Variants in CAPRIN2 observed in about 807,000 individuals in gnomAD.
CAPRIN2 encodes caprin family member 2, also known as caprin-2.
A neutral mutation model predicts 130.4 loss-of-function variants in CAPRIN2; 66 were observed. The ratio of observed to expected loss-of-function variants is 0.51; its 90% CI spans 0.42 to 0.62. The LOEUF is 0.62. CAPRIN2 is among the 20% of genes least tolerant of loss of function. The pLI is 0.00. For synonymous variants in CAPRIN2, 471 were observed against 444.1 expected (o/e 1.06, Z -0.76); for missense variants, 1,185 against 1,246.6 (o/e 0.95, Z 0.74).
exon 8 of CAPRIN2, chr12:30,729,229 G>C: frequency 1.2e-6 from 2 of 1,613,106 alleles, no homozygotes; most frequent in Non-Finnish European, 1.7e-6. Context: ...CAACGTTTTG[G>C]GAGATTTGGT....
At chr12:30,720,641 T>G (rs1479299567) in intron 12 of CAPRIN2, 170 bp downstream of exon 13, 3 of 533,384 alleles carry the variant, frequency 5.6e-6, no homozygotes, top group Non-Finnish European at 3.4e-6. Flanking sequence ...ATGGCAAAGC[T>G]ACAATAAAGT....
chr12:30,709,764 A>AGTAAGGACCTCCT, exon 17 of CAPRIN2: 1 of 962,452 alleles, frequency 1.0e-6, no homozygotes, highest in Non-Finnish European at 1.5e-6. Context: ...CAGGAAGGAA[A>AGTAAGGACCTCCT]ACAAAAAAGT....
chr12:30,746,294 G>A (rs140978944), intron 2 of CAPRIN2, among the ~76,000 whole-genome samples: 1 of 152,294 alleles, frequency 6.6e-6, no homozygotes, highest in East Asian at 1.9e-4. Flanking sequence ...CTACTCAGGA[G>A]GCTAAGAGGA....
chr12:30,753,868 G>A (rs1180972646), exon 1 of CAPRIN2: 3 of 1,168,404 alleles, frequency 2.6e-6, no homozygotes, highest in East Asian at 2.4e-5. Context: ...TTTCCACATA[G>A]GGAGGAAGAA....
chr12:30,735,877 A>G (rs746367545), intron 3 of CAPRIN2, among the ~76,000 whole-genome samples: 7 of 152,148 alleles, frequency 4.6e-5, no homozygotes, highest in Non-Finnish European at 7.3e-5. Context: ...ACAATGATAC[A>G]CACCTGTAAT....
chr12:30,729,035 G>T, exon 8 of CAPRIN2: 1 of 1,614,108 alleles, frequency 6.2e-7, no homozygotes. Context: ...GAGATGGCTT[G>T]GATTTGGAGA....
chr12:30,747,587 G>C (rs1489834728), intron 2 of CAPRIN2, among the ~76,000 whole-genome samples: 2 of 151,868 alleles, frequency 1.3e-5, no homozygotes, highest in Non-Finnish European at 2.9e-5. Context: ...TGAGGCAGGA[G>C]AATCGCTTGA....
chr12:30,711,741 G>A (rs2054759185), intron 15 of CAPRIN2, 112 bp from the exon 18 acceptor site: 2 of 853,092 alleles, frequency 2.3e-6, no homozygotes, highest in African/African-American at 3.3e-5. Context: ...TTCTTTACCT[G>A]GCCTTCCCCA....
chr12:30,712,576 A>C (rs10843817), intron 15 of CAPRIN2, among the ~76,000 whole-genome samples: 32,550 of 152,044 alleles, frequency 0.21, 3,644 homozygotes, highest in East Asian at 0.3. Flanking sequence ...AATTCTCAGA[A>C]TATCTCATGG....
chr12:30,728,754 A>C lies in CAPRIN2; in HGVS notation c.1676T>G (p.Leu559Ter). ...TGGAGAAATCTGTGACTGTGATGTT[A>C]AAGAGTGTTTTTGACTCTCAACATT... is the stretch of plus-strand genomic sequence containing the variant. The change falls in exon 8 of 17, where the codon TTA becomes TGA. Residue 559 changes from leucine to a stop codon, truncating the protein, a stop_gained. Transcript: ENST00000298892. LOFTEE classifies it high-confidence loss of function. 1 of 1,614,130 alleles carries C rather than the reference A, an allele frequency of 6.2e-7. No individual in the cohort carries two copies. The highest frequency in any genetic ancestry group is 1.1e-5 in the South Asian group (1 of 91,086).
intron 2 of CAPRIN2, among the ~76,000 whole-genome samples, chr12:30,748,592 T>TG (rs2071945630): frequency 6.6e-6 from 1 of 152,262 alleles, no homozygotes; most frequent in African/African-American, 2.4e-5. Flanking sequence ...CACTTTATCA[T>TG]GGTGGTCTGA....
At chr12:30,736,433 T>C (rs2064847613) in intron 3 of CAPRIN2, among the ~76,000 whole-genome samples, 1 of 149,510 alleles carries the variant, frequency 6.7e-6, no homozygotes, top group South Asian at 2.1e-4. Flanking sequence ...TTCCTATAGA[T>C]GGGTCAAAGT....
At chr12:30,743,550 C>T (rs2068506467) in intron 2 of CAPRIN2, among the ~76,000 whole-genome samples, 1 of 152,162 alleles carries the variant, frequency 6.6e-6, no homozygotes, top group African/African-American at 2.4e-5. Flanking sequence ...CTTGTTTTTA[C>T]TAACACTGAA....
At chr12:30,712,064 T>C (rs1041299055) in intron 15 of CAPRIN2, among the ~76,000 whole-genome samples, 1 of 152,144 alleles carries the variant, frequency 6.6e-6, no homozygotes, top group African/African-American at 2.4e-5. Flanking sequence ...TGTTGGGGTT[T>C]GGGAATTTTT....
chr12:30,728,711 A>G, exon 8 of CAPRIN2: 1 of 1,614,126 alleles, frequency 6.2e-7, no homozygotes, highest in East Asian at 2.2e-5. Flanking sequence ...GGCTTGCTGT[A>G]GCTACTCCCC....
At chr12:30,749,215 T>C (rs2072399264) in intron 2 of CAPRIN2, among the ~76,000 whole-genome samples, 1 of 151,998 alleles carries the variant, frequency 6.6e-6, no homozygotes, top group Non-Finnish European at 1.5e-5. Context: ...CTAGGGTAGC[T>C]AGAATGGAGC....
intron 15 of CAPRIN2, among the ~76,000 whole-genome samples, chr12:30,713,250 T>G (rs1016064362): frequency 3.9e-5 from 6 of 152,204 alleles, no homozygotes; most frequent in African/African-American, 1.4e-4. Context: ...AAAGTGGAAT[T>G]TCTAACATCC....
Position 30,723,404 on chromosome 12 carries a change from A to T in CAPRIN2, c.1988-90T>A. On this transcript the variant is annotated intron_variant, in intron 10 of 16. Coordinates refer to ENST00000298892, the Ensembl canonical transcript of CAPRIN2. The stretch of plus-strand genomic sequence containing the variant: ...AGGAAACTAAAGTTTACACTTCACA[A>T]AAAAGACATTAGCTGGAAGGACTAC... 5 of 843,240 alleles carry T rather than the reference A, an allele frequency of 5.9e-6. No homozygotes were observed. In the Admixed American group the frequency reaches 1.0e-4, roughly 18 times the overall value. The allele number at this position is 843,240 out of a possible 1,614,324, so 52.2% of individuals were successfully genotyped here.
chr12:30,724,445 C>T lies in CAPRIN2; in HGVS notation c.1912G>A (p.Val638Ile), dbSNP rs781761331. The T allele has an allele frequency of 3.1e-6, 5 of 1,605,532 alleles. No homozygotes were observed. In the South Asian group the frequency reaches 4.4e-5, roughly 14 times the overall value. The change falls in exon 10 of 17, where the codon GTT becomes ATT. Residue 638 changes from valine (V) to isoleucine (I), a missense_variant. Transcript: ENST00000298892. ...CTTGAAGGTTTGTCAAAGTCAAGAA[C>T]AGACTCCTAAAGATATGATTTTAAA...
Sources: allele counts gnomAD v4.1 joint callset (sites outside exome capture counted in the v4.1 genomes callset), GRCh38; gene constraint gnomAD v4.1.1; transcripts MANE v1.5; gene names NCBI Gene and HGNC (gene_info 2026-07-23, HGNC 2026-07-21).